The following RASSF3 variants were observed in gnomAD, a reference collection of about 807,000 sequenced individuals.
The protein encoded by RASSF3 is Ras association domain family member 3, also known as ras association domain-containing protein 3.
In RASSF3, 19 loss-of-function variants were observed where a neutral mutation model predicts 19.9. The observed-to-expected ratio is 0.96, with a 90% confidence interval of 0.67 to 1.40. RASSF3 has a LOEUF of 1.40. RASSF3 is among the 40% of genes most tolerant of loss of function. RASSF3 has a pLI of 0.00. For synonymous variants in RASSF3, 110 were observed against 104.2 expected, an observed-to-expected ratio of 1.06 and a Z score of -0.34; for missense variants, 306 against 289.8, an observed-to-expected ratio of 1.06 and a Z score of -0.41.
At chr12:64,570,371 T>C (rs1391038511) in intron 2 of RASSF3, among the ~76,000 whole-genome samples, 3 of 152,180 alleles carry the variant, frequency 2.0e-5, no homozygotes, top group African/African-American at 7.2e-5. Flanking sequence ...TCGCTTGGCC[T>C]TCTCTCCTTT....
At chr12:64,520,740 G>GA (rs71092977) in intron 1 of RASSF3, among the ~76,000 whole-genome samples, 22,333 of 151,230 alleles carry the variant, frequency 0.15, 2,220 homozygotes, top group African/African-American at 0.28. Context: ...AAGGACATTG[G>GA]AAAAAAAAGA....
intron 2 of RASSF3, among the ~76,000 whole-genome samples, chr12:64,585,427 G>A (rs566491126): frequency 3.3e-5 from 5 of 152,172 alleles, no homozygotes; most frequent in African/African-American, 1.2e-4. Context: ...TTCTCTCCCT[G>A]ACTGGGCACC....
intron 2 of RASSF3, among the ~76,000 whole-genome samples, chr12:64,564,787 GTTTT>G (rs774281239): frequency 1.3e-5 from 1 of 79,992 alleles, no homozygotes; most frequent in Non-Finnish European, 3.5e-5. Context: ...TTTGTTTTTT[GTTTT>G]TTTTTTTGAG....
intron 1 of RASSF3, chr12:64,622,514 G>C: frequency 5.7e-6 from 3 of 530,790 alleles, no homozygotes; most frequent in Non-Finnish European, 1.2e-5. Flanking sequence ...ATCGGCATTG[G>C]CATCTATTAG....
downstream of RASSF3, among the ~76,000 whole-genome samples, chr12:64,545,088 C>T (rs1293919316): frequency 3.9e-5 from 6 of 152,034 alleles, no homozygotes; most frequent in Non-Finnish European, 7.4e-5. Context: ...CAACTGGAGC[C>T]GATTGGAGTT....
At chr12:64,693,774 G>C (rs1868317962) in intron 4 of RASSF3, among the ~76,000 whole-genome samples, 1 of 152,186 alleles carries the variant, frequency 6.6e-6, no homozygotes, top group Non-Finnish European at 1.5e-5. Flanking sequence ...ACTAGGAGCT[G>C]TTAGGGAAAC....
chr12:64,590,585 A>G (rs1869904047), intron 2 of RASSF3, among the ~76,000 whole-genome samples: 1 of 152,224 alleles, frequency 6.6e-6, no homozygotes, highest in African/African-American at 2.4e-5. Flanking sequence ...TTTAAAGGTG[A>G]TCTCTCTAAT....
At chr12:64,612,616 C>T (rs1201495604) in intron 1 of RASSF3, among the ~76,000 whole-genome samples, 1 of 150,976 alleles carries the variant, frequency 6.6e-6, no homozygotes, top group African/African-American at 2.4e-5. Context: ...GCTGAGATTA[C>T]AGGCATGCAC....
intron 2 of RASSF3, among the ~76,000 whole-genome samples, chr12:64,686,292 G>C (rs920027388): frequency 2.0e-5 from 3 of 151,912 alleles, no homozygotes; most frequent in Admixed American, 6.6e-5. Context: ...TGTAATCTCA[G>C]CATTTTGGGA....
chr12:64,517,411 T>C (rs1868387588), intron 1 of RASSF3, among the ~76,000 whole-genome samples: 1 of 151,436 alleles, frequency 6.6e-6, no homozygotes, highest in Non-Finnish European at 1.5e-5. Context: ...TCTGGAAGAA[T>C]AAACATGGAA....
upstream of RASSF3, among the ~76,000 whole-genome samples, chr12:64,607,891 G>C (rs1870221685): frequency 2.0e-5 from 3 of 151,900 alleles, no homozygotes; most frequent in African/African-American, 7.3e-5. Context: ...GAGTAGCTGG[G>C]ACCACTAGCA....
chr12:64,671,819 A>C (rs952345836), intron 1 of RASSF3, among the ~76,000 whole-genome samples: 1 of 152,180 alleles, frequency 6.6e-6, no homozygotes, highest in Non-Finnish European at 1.5e-5. Context: ...ATCTTTCTTC[A>C]TTCTTCATTA....
At chr12:64,526,079 G>T (rs1451247310) in intron 1 of RASSF3, among the ~76,000 whole-genome samples, 1 of 152,110 alleles carries the variant, frequency 6.6e-6, no homozygotes, top group Non-Finnish European at 1.5e-5. Flanking sequence ...AGAACTATCT[G>T]GGGTGATTAT....
At chr12:64,585,354 C>T (rs1006929393) in intron 2 of RASSF3, among the ~76,000 whole-genome samples, 4 of 152,124 alleles carry the variant, frequency 2.6e-5, no homozygotes, top group African/African-American at 4.8e-5. Context: ...GGGAGGCTGA[C>T]GACCTAGGGT....
chr12:64,522,157 A>C (rs570283399), intron 1 of RASSF3, among the ~76,000 whole-genome samples: 15 of 152,352 alleles, frequency 9.8e-5, no homozygotes, highest in Non-Finnish European at 2.2e-4. Flanking sequence ...CAGATCTGGG[A>C]AGCTCAGTCA....
chr12:64,693,761 A>C (rs80098579), intron 4 of RASSF3, among the ~76,000 whole-genome samples: 4,258 of 152,296 alleles, frequency 0.028, 211 homozygotes, highest in African/African-American at 0.097. Flanking sequence ...CTGCTAAATA[A>C]GTACTAGGAG....
Position 64,635,122 on chromosome 12 carries a change from T to G in RASSF3, c.111+24379T>G. Among the ~76,000 whole-genome samples, 2 of 151,916 alleles carry G rather than the reference T, an allele frequency of 1.3e-5. 1 individual carries two copies. On this transcript the variant is annotated intron_variant, in intron 1 of 4. Transcript: ENST00000542104. ...GTACATACCACTACACCTGGCTAAT[T>G]TTTGTATTTTTTGGAGAGATAGGGT...
rs765043411 is a variant in RASSF3 at position 64,594,590 on chromosome 12, CA to C, written c.294+52887del. Among the ~76,000 whole-genome samples the C allele has an allele frequency of 2.1e-4, 32 of 151,908 alleles. 1 individual carries two copies. The highest frequency in any genetic ancestry group is 4.6e-4 in the Non-Finnish European group (31 of 67,992). On this transcript the variant is annotated intron_variant, in intron 2 of 5. Transcript: ENST00000637125. The stretch of plus-strand genomic sequence containing the variant: ...AGACTTTTGATACTCTTGCTATTTC[CA>C]ACATGCTGCTATAAGGAAATCAAAA...
intron 1 of RASSF3, among the ~76,000 whole-genome samples, chr12:64,631,578 T>C (rs1871169337): frequency 1.4e-5 from 2 of 142,022 alleles, no homozygotes; most frequent in East Asian, 4.0e-4. Flanking sequence ...TATGTATGTA[T>C]GTATGTATGT....
Sources: allele counts gnomAD v4.1 joint callset (sites outside exome capture counted in the v4.1 genomes callset), GRCh38; gene constraint gnomAD v4.1.1; transcripts MANE v1.5; gene names NCBI Gene and HGNC (gene_info 2026-07-23, HGNC 2026-07-21).